PCDH9: variants seen among roughly 807,000 people sequenced by gnomAD.
PCDH9 encodes the protein protocadherin-9.
In PCDH9, 24 loss-of-function variants were observed where a neutral mutation model predicts 70.6. The observed-to-expected ratio is 0.34, with a 90% CI of 0.25 to 0.48. The LOEUF (loss-of-function observed/expected upper bound fraction) is 0.48, where lower values mean the gene tolerates loss of function less well. Ranked by LOEUF, PCDH9 falls within the 20% of genes least tolerant of loss-of-function variation. The pLI, the probability that PCDH9 is intolerant of heterozygous loss-of-function variation, is 0.99. For missense variants in PCDH9, 1,281 were observed against 1,503.6 expected, an observed-to-expected ratio of 0.85 and a Z score of 2.45; for synonymous variants, 562 against 558.5, an observed-to-expected ratio of 1.01 and a Z score of -0.09.
chr13:66,707,352 C>T (rs949905774), intron 3 of PCDH9, among the ~76,000 whole-genome samples: 3 of 152,134 alleles, frequency 2.0e-5, no homozygotes, highest in South Asian at 2.1e-4. Flanking sequence ...AGAGACACTA[C>T]GCACTTAGAA....
intron 3 of PCDH9, among the ~76,000 whole-genome samples, chr13:66,712,495 A>G (rs2078808371): frequency 1.3e-5 from 2 of 152,170 alleles, no homozygotes; most frequent in South Asian, 2.1e-4. Context: ...AATTCTTATA[A>G]TAGGCATGAG....
At chr13:66,366,896 A>T (rs1424398171) in intron 4 of PCDH9, among the ~76,000 whole-genome samples, 1 of 152,136 alleles carries the variant, frequency 6.6e-6, no homozygotes, top group Non-Finnish European at 1.5e-5. Flanking sequence ...CTTAACTCAC[A>T]AACATTTATC....
chr13:66,795,902 C>T (rs2080232851), intron 3 of PCDH9, among the ~76,000 whole-genome samples: 1 of 152,130 alleles, frequency 6.6e-6, no homozygotes, highest in Non-Finnish European at 1.5e-5. Context: ...TGCTCACTCG[C>T]TCATGGCTTT....
intron 3 of PCDH9, among the ~76,000 whole-genome samples, chr13:66,879,495 T>C (rs2081883921): frequency 6.6e-6 from 1 of 152,144 alleles, no homozygotes; most frequent in Non-Finnish European, 1.5e-5. Context: ...CTGCCATTTT[T>C]TTTCTTCTGT....
chr13:66,608,931 A>C (rs1485602176), intron 4 of PCDH9, among the ~76,000 whole-genome samples: 1 of 152,218 alleles, frequency 6.6e-6, no homozygotes, highest in African/African-American at 2.4e-5. Flanking sequence ...GAATTGCAGC[A>C]AAGACTTTAG....
chr13:66,833,708 A>G (rs1019960103), intron 3 of PCDH9, among the ~76,000 whole-genome samples: 4 of 152,226 alleles, frequency 2.6e-5, no homozygotes, highest in Non-Finnish European at 4.4e-5. Context: ...TTTGAGTTTA[A>G]GTTAACAACT....
At chr13:66,884,929 G>GT (rs1300863312) in intron 3 of PCDH9, among the ~76,000 whole-genome samples, 3 of 152,068 alleles carry the variant, frequency 2.0e-5, no homozygotes, top group African/African-American at 7.3e-5. Flanking sequence ...GCCTATCTCA[G>GT]TAAGTCTTTA....
chr13:67,048,561 G>A (rs548854470), intron 2 of PCDH9, among the ~76,000 whole-genome samples: 6 of 152,330 alleles, frequency 3.9e-5, no homozygotes, highest in African/African-American at 7.2e-5. Flanking sequence ...TCAGAGGAAG[G>A]AGGCCAAAAG....
chr13:66,838,926 C>G (rs1270832594), intron 3 of PCDH9, among the ~76,000 whole-genome samples: 1 of 152,010 alleles, frequency 6.6e-6, no homozygotes, highest in Non-Finnish European at 1.5e-5. Flanking sequence ...AAAAAAGGCA[C>G]TGCAAATACA....
intron 4 of PCDH9, among the ~76,000 whole-genome samples, chr13:66,555,537 T>C (rs1961694512): frequency 6.6e-6 from 1 of 152,140 alleles, no homozygotes; most frequent in African/African-American, 2.4e-5. Context: ...TTTATTTGCA[T>C]ACCATAGTTA....
At chr13:66,408,957 G>A (rs952487413) in intron 4 of PCDH9, among the ~76,000 whole-genome samples, 1 of 152,134 alleles carries the variant, frequency 6.6e-6, no homozygotes, top group Admixed American at 6.6e-5. Flanking sequence ...ATATTGAGGA[G>A]ATTCTGTGAA....
chr13:67,197,471 T>C (rs2089098119), intron 2 of PCDH9, among the ~76,000 whole-genome samples: 1 of 151,990 alleles, frequency 6.6e-6, no homozygotes, highest in Admixed American at 6.6e-5. Context: ...TTATTAAGAG[T>C]TGCATTGAGA....
intron 4 of PCDH9, among the ~76,000 whole-genome samples, chr13:66,310,635 C>G (rs1188780495): frequency 6.6e-6 from 1 of 151,930 alleles, no homozygotes; most frequent in Non-Finnish European, 1.5e-5. Context: ...TTTTACATTT[C>G]TGGTTAGTTT....
intron 4 of PCDH9, among the ~76,000 whole-genome samples, chr13:66,510,676 C>G (rs1450906227): frequency 6.6e-6 from 1 of 152,120 alleles, no homozygotes; most frequent in Non-Finnish European, 1.5e-5. Context: ...CATGTCCCTA[C>G]AAAGGAAATG....
chr13:66,388,943 C>T (rs955662875), intron 4 of PCDH9, among the ~76,000 whole-genome samples: 1 of 152,112 alleles, frequency 6.6e-6, no homozygotes, highest in African/African-American at 2.4e-5. Context: ...CTTAAATTAA[C>T]CATATTTTGT....
intron 3 of PCDH9, among the ~76,000 whole-genome samples, chr13:66,820,022 C>T (rs2080682017): frequency 6.6e-6 from 1 of 151,910 alleles, no homozygotes; most frequent in Admixed American, 6.6e-5. Context: ...GAATGCTTAC[C>T]TGTTACTCTT....
intron 2 of PCDH9, among the ~76,000 whole-genome samples, chr13:67,140,348 G>A (rs1296573471): frequency 1.3e-5 from 2 of 152,100 alleles, no homozygotes; most frequent in East Asian, 3.9e-4. Context: ...AAGTTTGCCA[G>A]TGGAAAAATT....
At chr13:67,017,155 C>A (rs754425813) in intron 2 of PCDH9, among the ~76,000 whole-genome samples, 1 of 152,172 alleles carries the variant, frequency 6.6e-6, no homozygotes, top group African/African-American at 2.4e-5. Context: ...CTGTCTTACA[C>A]TGTTTAGAAA....
intron 3 of PCDH9, among the ~76,000 whole-genome samples, chr13:66,749,857 G>A (rs1013741233): frequency 2.6e-5 from 4 of 152,014 alleles, no homozygotes; most frequent in African/African-American, 7.2e-5. Flanking sequence ...TCCATCCCTT[G>A]CACCCTAACT....
Sources: allele counts gnomAD v4.1 joint callset (sites outside exome capture counted in the v4.1 genomes callset), GRCh38; gene constraint gnomAD v4.1.1; transcripts MANE v1.5; gene names NCBI Gene and HGNC (gene_info 2026-07-23, HGNC 2026-07-21).